SLCO3A1: variants seen among roughly 807,000 people sequenced by gnomAD.
SLCO3A1 encodes solute carrier organic anion transporter family member 3A1.
SLCO3A1 carries 27 observed loss-of-function variants against 63.1 expected under a neutral mutation model. The ratio of observed to expected loss-of-function variants is 0.43; its 90% CI spans 0.32 to 0.59. The LOEUF is 0.59. Ranked by LOEUF, SLCO3A1 falls within the 20% of genes least tolerant of loss-of-function variation. The probability of loss-of-function intolerance (pLI) is 0.09; values close to 1 mark genes in which losing one functional copy is unlikely to be tolerated. For synonymous variants in SLCO3A1, 473 were observed against 409.9 expected, an observed-to-expected ratio of 1.15 and a Z score of -1.86; for missense variants, 773 against 945.8, an observed-to-expected ratio of 0.82 and a Z score of 2.40.
chr15:91,991,277 G>T (rs1425921420), intron 2 of SLCO3A1, among the ~76,000 whole-genome samples: 1 of 152,042 alleles, frequency 6.6e-6, no homozygotes, highest in Non-Finnish European at 1.5e-5. Flanking sequence ...TGAGGTGGGG[G>T]ATCACTTGAA....
intron 9 of SLCO3A1, chr15:92,161,529 G>T (rs2048436831): frequency 6.6e-6 from 1 of 152,202 alleles, no homozygotes; most frequent in African/African-American, 2.4e-5. Context: ...TACCGTGAGG[G>T]TTTCAAAACT....
At chr15:92,132,159 A>G (rs4777842) in intron 7 of SLCO3A1, among the ~76,000 whole-genome samples, 34,043 of 144,616 alleles carry the variant, frequency 0.24, 8,140 homozygotes, top group East Asian at 0.8. Context: ...TTTCAGTACT[A>G]AAGACCTGAT....
At chr15:92,102,875 C>T (rs903639675) in intron 3 of SLCO3A1, among the ~76,000 whole-genome samples, 3 of 152,186 alleles carry the variant, frequency 2.0e-5, no homozygotes, top group South Asian at 2.1e-4. Context: ...CATGTGTATA[C>T]CTGTGTTCCG....
At position 92,094,927 on chromosome 15, in the gene SLCO3A1, C is replaced by G. The variant is rs1286228720; in HGVS notation, c.693C>G (p.Ile231Met). Reference protein sequence around the residue: ...MLVFGPACGFILGSFCTKIYV... With the variant: ...MLVFGPACGFMLGSFCTKIYV... ...TATTTGGACCAGCCTGCGGGTTTAT[C>G]CTGGGCTCTTTCTGTACCAAAATCT... The change falls in exon 3 of 10, where the codon ATC becomes ATG. Residue 231 changes from isoleucine (I) to methionine (M), a missense_variant. Physicochemically the swap from Ile to Met is conservative, Grantham distance 10. Coordinates refer to ENST00000318445, the MANE Select transcript of SLCO3A1 (RefSeq NM_013272.4). 9.9e-6 allele frequency: 16 copies of G among 1,613,874 alleles called. No individual in the cohort carries two copies. The highest frequency in any genetic ancestry group is 1.4e-5 in the Non-Finnish European group (16 of 1,179,854).
chr15:91,985,668 G>C (rs1412644588), intron 2 of SLCO3A1, among the ~76,000 whole-genome samples: 1 of 152,134 alleles, frequency 6.6e-6, no homozygotes, highest in East Asian at 1.9e-4. Flanking sequence ...CCTTACGTCA[G>C]ACAATGGGGT....
chr15:92,141,730 C>T (rs2048134625), intron 7 of SLCO3A1, among the ~76,000 whole-genome samples: 1 of 152,200 alleles, frequency 6.6e-6, no homozygotes, highest in African/African-American at 2.4e-5. Flanking sequence ...TGCAGTTCTT[C>T]CTACCACACT....
intron 2 of SLCO3A1, among the ~76,000 whole-genome samples, chr15:92,028,305 A>G (rs182681386): frequency 6.6e-6 from 1 of 152,306 alleles, no homozygotes; most frequent in East Asian, 1.9e-4. Context: ...GGTTCCCATT[A>G]GCATCCTCGG....
intron 2 of SLCO3A1, among the ~76,000 whole-genome samples, chr15:92,005,196 G>T (rs1283637939): frequency 6.6e-6 from 1 of 152,204 alleles, no homozygotes; most frequent in African/African-American, 2.4e-5. Flanking sequence ...CTCATTTGGG[G>T]AAGTGATTGG....
rs1479190536 is a variant in SLCO3A1 at position 91,859,094 on chromosome 15, A to T, written c.180+5006A>T. ...CTGTACATTGCCGCATGCATTGCAT[A>T]TTTACATACGTGTTTGTGTACAGCG... On this transcript the variant is annotated intron_variant, in intron 1 of 9. Coordinates refer to ENST00000318445, the MANE Select transcript of SLCO3A1 (RefSeq NM_013272.4). The surrounding 1 kb of genome is among the most constrained non-coding windows in gnomAD (Gnocchi z 5.1). 6.6e-6 allele frequency among the ~76,000 whole-genome samples: 1 copy of T among 152,204 alleles called. No homozygotes were observed. The highest frequency in any genetic ancestry group is 1.5e-5 in the Non-Finnish European group (1 of 68,038).
chr15:91,916,736 G>GT lies in SLCO3A1; in HGVS notation c.646+281dup, dbSNP rs1026398706. On this transcript the variant is annotated intron_variant, in intron 2 of 9. Coordinates refer to ENST00000318445, the MANE Select transcript of SLCO3A1 (RefSeq NM_013272.4). This position sits in a 1 kb window ranked among gnomAD's most constrained non-coding sequence, Gnocchi z 6.2. ...AAAACATGATCGGGAGGAGTTGTAT[G>GT]TTTATCTCTTCTTTTTGAGTGCGTA... 1.1e-4 allele frequency among the ~76,000 whole-genome samples: 17 copies of GT among 152,262 alleles called. No homozygotes were observed. The highest frequency in any genetic ancestry group is 4.1e-4 in the African/African-American group (17 of 41,554).
At chr15:92,160,784 T>C (rs76509034) in intron 9 of SLCO3A1, among the ~76,000 whole-genome samples, 1,612 of 152,134 alleles carry the variant, frequency 0.011, 28 homozygotes, top group African/African-American at 0.037. Context: ...TCCAGGCATG[T>C]CATTAAAACC....
rs1284095671 is a variant in SLCO3A1 at position 92,036,793 on chromosome 15, A to G, written c.647-58088A>G. Among the ~76,000 whole-genome samples the G allele has an allele frequency of 2.0e-5, 3 of 152,198 alleles. No homozygotes were observed. In the East Asian group the frequency reaches 5.8e-4, roughly 29 times the overall value. On this transcript the variant is annotated intron_variant, in intron 2 of 9. Coordinates refer to ENST00000318445, the MANE Select transcript of SLCO3A1 (RefSeq NM_013272.4). The stretch of plus-strand genomic sequence containing the variant: ...TTATACTGTGCTGGGAAGCACCCAA[A>G]TCTCGTGGTAATTACATTTTTCCTT...
intron 2 of SLCO3A1, among the ~76,000 whole-genome samples, chr15:91,965,909 A>G (rs1900642500): frequency 6.6e-6 from 1 of 152,118 alleles, no homozygotes; most frequent in Non-Finnish European, 1.5e-5. Flanking sequence ...CCTTGCTTTC[A>G]TTGAAGGGAG....
Position 92,033,848 on chromosome 15 carries a change from G to A in SLCO3A1, c.647-61033G>A, listed in dbSNP as rs1042792145. 1.3e-5 allele frequency among the ~76,000 whole-genome samples: 2 copies of A among 152,158 alleles called. No homozygotes were observed. The highest frequency in any genetic ancestry group is 2.9e-5 in the Non-Finnish European group (2 of 68,022). On this transcript the variant is annotated intron_variant, in intron 2 of 9. Transcript: ENST00000318445. This position sits in a 1 kb window ranked among gnomAD's most constrained non-coding sequence, Gnocchi z 4.5. ...TGAGGGACAAGCCGGGAGGTTATCT[G>A]GAGGAAAAACATTCCAGACAGACCA...
At chr15:91,910,841 G>A (rs774468400) in intron 1 of SLCO3A1, among the ~76,000 whole-genome samples, 4 of 152,194 alleles carry the variant, frequency 2.6e-5, no homozygotes, top group East Asian at 1.9e-4. Context: ...GGGAGGACAC[G>A]CACAGGTGTT....
At chr15:92,121,821 G>A (rs542493660) in intron 5 of SLCO3A1, among the ~76,000 whole-genome samples, 1 of 152,322 alleles carries the variant, frequency 6.6e-6, no homozygotes, top group South Asian at 2.1e-4. Flanking sequence ...CAAGAAGAAA[G>A]CAGCCATCTG....
chr15:91,890,538 C>T (rs1251825023), intron 1 of SLCO3A1, among the ~76,000 whole-genome samples: 4 of 152,174 alleles, frequency 2.6e-5, no homozygotes, highest in African/African-American at 9.7e-5. Flanking sequence ...TCTTACTGTG[C>T]ATTTCAAAGC....
At chr15:91,974,441 C>T (rs972683758) in intron 2 of SLCO3A1, among the ~76,000 whole-genome samples, 9 of 152,014 alleles carry the variant, frequency 5.9e-5, no homozygotes, top group African/African-American at 2.2e-4. Flanking sequence ...GAGGAGGCAA[C>T]GGGCACCTTG....
At position 92,096,664 on chromosome 15, in the gene SLCO3A1, A is replaced by C. The variant is rs1290989000; in HGVS notation, c.745+1685A>C. On this transcript the variant is annotated intron_variant, in intron 3 of 9. Transcript: ENST00000318445. Reference sequence around the variant, plus strand: ...GTTCTCAATCCATCATCTCTTGACAATGCTAAATTTACTAATTCACCCCAA... The same window carrying C: ...GTTCTCAATCCATCATCTCTTGACACTGCTAAATTTACTAATTCACCCCAA... Among the ~76,000 whole-genome samples, 3 of 152,200 alleles carry C rather than the reference A, an allele frequency of 2.0e-5. No homozygotes were observed. In the East Asian group the frequency reaches 5.8e-4, roughly 29 times the overall value.
Sources: gnomAD v4.1 joint callset for allele counts (sites outside exome capture counted in the v4.1 genomes callset) on GRCh38, gnomAD v4.1.1 for gene constraint, Gnocchi (gnomAD v3.1) non-coding constraint, MANE v1.5 for transcripts, NCBI Gene and HGNC (gene_info 2026-07-23, HGNC 2026-07-21) for gene names.